The following GLRA3 variants were observed in gnomAD, a reference collection of about 807,000 sequenced individuals.
The protein encoded by GLRA3 is glycine receptor alpha 3.
GLRA3 carries 44 observed loss-of-function variants against 60.4 expected under a neutral mutation model. The ratio of observed to expected loss-of-function variants is 0.73; its 90% CI spans 0.57 to 0.94. The LOEUF (loss-of-function observed/expected upper bound fraction) is 0.94. GLRA3 is among the 40% of genes least tolerant of loss of function. The pLI, the probability that GLRA3 is intolerant of heterozygous loss-of-function variation, is 0.00. For missense variants in GLRA3, 508 were observed against 564.6 expected (o/e 0.90, Z 1.02); for synonymous variants, 223 against 192.9 (o/e 1.16, Z -1.29).
chr4:174,776,244 T>G (rs1464100425), intron 2 of GLRA3, among the ~76,000 whole-genome samples: 1 of 152,136 alleles, frequency 6.6e-6, no homozygotes, highest in Non-Finnish European at 1.5e-5. Flanking sequence ...TAATGCCTAG[T>G]CGAAGCTCAA....
intron 5 of GLRA3, among the ~76,000 whole-genome samples, chr4:174,696,948 T>A (rs1401611827): frequency 2.6e-5 from 4 of 152,144 alleles, no homozygotes; most frequent in Admixed American, 6.5e-5. Flanking sequence ...CATTTTTGTT[T>A]GTTTCTCAGT....
chr4:174,645,637 G>A (rs892750055), intron 9 of GLRA3, among the ~76,000 whole-genome samples: 1 of 152,054 alleles, frequency 6.6e-6, no homozygotes, highest in Non-Finnish European at 1.5e-5. Context: ...TATGATTATT[G>A]GAAAATATTT....
At chr4:174,678,917 A>T (rs1734230751) in intron 6 of GLRA3, among the ~76,000 whole-genome samples, 1 of 152,206 alleles carries the variant, frequency 6.6e-6, no homozygotes, top group South Asian at 2.1e-4. Context: ...ATTAGTAACA[A>T]ATACTAACCA....
At chr4:174,791,925 A>C (rs9991763) in intron 1 of GLRA3, among the ~76,000 whole-genome samples, 3,610 of 152,296 alleles carry the variant, frequency 0.024, 159 homozygotes, top group African/African-American at 0.081. Flanking sequence ...AATATGTGAC[A>C]ATTAGAATAT....
At chr4:174,645,210 G>A (rs921606909) in intron 9 of GLRA3, among the ~76,000 whole-genome samples, 6 of 151,844 alleles carry the variant, frequency 4.0e-5, no homozygotes, top group African/African-American at 9.7e-5. Flanking sequence ...TCAGGAGATC[G>A]AGACCATCTT....
chr4:174,729,961 T>C (rs1736490209), intron 3 of GLRA3, among the ~76,000 whole-genome samples: 1 of 152,154 alleles, frequency 6.6e-6, no homozygotes, highest in Admixed American at 6.5e-5. Flanking sequence ...TCAGAGTTTG[T>C]ACTGAATGTT....
intron 1 of GLRA3, among the ~76,000 whole-genome samples, chr4:174,792,350 T>A (rs1739385032): frequency 1.3e-5 from 2 of 152,172 alleles, no homozygotes; most frequent in South Asian, 2.1e-4. Flanking sequence ...TTTTTAATGA[T>A]CTTTTCTTCA....
intron 1 of GLRA3, among the ~76,000 whole-genome samples, chr4:174,790,535 C>T (rs1338668886): frequency 6.6e-6 from 1 of 151,730 alleles, no homozygotes; most frequent in African/African-American, 2.4e-5. Flanking sequence ...TTTGTAGCTA[C>T]ATGCTGCTGC....
chr4:174,773,198 C>T (rs1738460535), intron 2 of GLRA3, among the ~76,000 whole-genome samples: 1 of 152,132 alleles, frequency 6.6e-6, no homozygotes, highest in Non-Finnish European at 1.5e-5. Flanking sequence ...CAAATAACTG[C>T]TATAGCATCC....
chr4:174,815,675 C>T (rs1740463880), intron 1 of GLRA3, among the ~76,000 whole-genome samples: 1 of 152,192 alleles, frequency 6.6e-6, no homozygotes, highest in African/African-American at 2.4e-5. Flanking sequence ...CCAAGCTGTA[C>T]CTTGGCCCAT....
In GLRA3 at chr4:174,639,957, G is replaced by T. The variant is rs1204980670; in HGVS notation, c.*3829C>A. 6.6e-6 allele frequency: 1 copy of T among 152,040 alleles called. No individual in the cohort carries two copies. The highest frequency in any genetic ancestry group is 1.5e-5 in the Non-Finnish European group (1 of 67,948). 9.4% of individuals were successfully genotyped at this position (152,040 alleles called of 1,614,324 possible). ...AATGGGTATTATGGGTACTTTATTT[G>T]CAAGAGGGAATCTGTGTGAACATTT... On this transcript the variant is annotated 3_prime_UTR_variant, in exon 10 of 10. Transcript: ENST00000274093.
intron 9 of GLRA3, among the ~76,000 whole-genome samples, chr4:174,644,459 A>G (rs56247778): frequency 0.068 from 10,259 of 151,842 alleles, 461 homozygotes; most frequent in Non-Finnish European, 0.1. Flanking sequence ...TCGAAGGGGA[A>G]CATACCAGGA....
intron 4 of GLRA3, among the ~76,000 whole-genome samples, chr4:174,726,731 A>T (rs190896119): frequency 5.8e-4 from 89 of 152,226 alleles, no homozygotes; most frequent in African/African-American, 2.1e-3. Context: ...AGTTTGTTAT[A>T]CATACTGTGT....
intron 9 of GLRA3, among the ~76,000 whole-genome samples, chr4:174,647,732 AT>A (rs1732880609): frequency 6.6e-6 from 1 of 152,304 alleles, no homozygotes; most frequent in East Asian, 1.9e-4. Flanking sequence ...GAAAAAAAAA[AT>A]AACTCAGTAT....
Position 174,659,210 on chromosome 4 carries a change from G to T in GLRA3, c.928-13C>A. Reference sequence around the variant, plus strand: ...TGACATATGAAACCTAGCCAAGAGAGAAAGAGAAAGCAAGCAAATTCACTT... The same window carrying T: ...TGACATATGAAACCTAGCCAAGAGATAAAGAGAAAGCAAGCAAATTCACTT... On this transcript the variant is annotated splice_polypyrimidine_tract_variant and intron_variant, in intron 7 of 9. Coordinates refer to ENST00000274093, the MANE Select transcript of GLRA3 (RefSeq NM_006529.4). 6.3e-7 allele frequency: 1 copy of T among 1,599,606 alleles called. No homozygotes were observed. Among genetic ancestry groups the T allele is most frequent in the South Asian group, 1.1e-5 (1 of 88,494 alleles).
At chr4:174,686,521 C>T (rs1221897315) in intron 5 of GLRA3, among the ~76,000 whole-genome samples, 2 of 152,218 alleles carry the variant, frequency 1.3e-5, no homozygotes, top group South Asian at 2.1e-4. Context: ...CAACCAAACG[C>T]TTGTTTTACC....
intron 1 of GLRA3, among the ~76,000 whole-genome samples, chr4:174,799,785 T>C (rs1739735347): frequency 2.0e-5 from 3 of 152,096 alleles, no homozygotes; most frequent in African/African-American, 7.2e-5. Context: ...AGGAAGAATA[T>C]ATCACTCTAA....
chr4:174,744,360 G>T (rs975397728), intron 3 of GLRA3, among the ~76,000 whole-genome samples: 22 of 152,234 alleles, frequency 1.4e-4, no homozygotes, highest in African/African-American at 5.1e-4. Flanking sequence ...TGGTCCTACT[G>T]ACACAGGTGC....
intron 2 of GLRA3, among the ~76,000 whole-genome samples, chr4:174,773,305 G>C (rs750624971): frequency 2.6e-5 from 3 of 116,916 alleles, no homozygotes; most frequent in Non-Finnish European, 5.4e-5. Flanking sequence ...GTAAGTTTTC[G>C]TTTAGATGTT....
Sources: gnomAD v4.1 joint callset for allele counts (sites outside exome capture counted in the v4.1 genomes callset) on GRCh38, gnomAD v4.1.1 for gene constraint, MANE v1.5 for transcripts, NCBI Gene and HGNC (gene_info 2026-07-23, HGNC 2026-07-21) for gene names.